The following CBFB variants were observed in gnomAD, a reference collection of about 807,000 sequenced individuals.
The protein encoded by CBFB is CBF-beta.
In CBFB, 9 loss-of-function variants were observed where a neutral mutation model predicts 30.4. The ratio of observed to expected loss-of-function variants is 0.30; its 90% CI spans 0.18 to 0.52. The LOEUF (loss-of-function observed/expected upper bound fraction) is 0.52. Ranked by LOEUF, CBFB falls within the 20% of genes least tolerant of loss-of-function variation. The probability of loss-of-function intolerance (pLI) is 0.97; values close to 1 mark genes in which losing one functional copy is unlikely to be tolerated. For missense variants in CBFB, 170 were observed against 244.0 expected, an observed-to-expected ratio of 0.70 and a Z score of 2.02; for synonymous variants, 94 against 84.0, an observed-to-expected ratio of 1.12 and a Z score of -0.65.
At chr16:67,092,119 C>G (rs1475233995) in intron 5 of CBFB, among the ~76,000 whole-genome samples, 2 of 151,704 alleles carry the variant, frequency 1.3e-5, no homozygotes, top group Non-Finnish European at 2.9e-5. Flanking sequence ...GTGTGATGTT[C>G]CCCTCCCTGT....
At chr16:67,074,436 G>GC (rs1181572279) in intron 4 of CBFB, among the ~76,000 whole-genome samples, 1 of 150,224 alleles carries the variant, frequency 6.7e-6, no homozygotes, top group Non-Finnish European at 1.5e-5. Flanking sequence ...AGGCTGGAGT[G>GC]CAGTGGCGTG....
chr16:67,058,484 T>C (rs1960797294), intron 3 of CBFB, among the ~76,000 whole-genome samples: 1 of 152,132 alleles, frequency 6.6e-6, no homozygotes, highest in Non-Finnish European at 1.5e-5. Flanking sequence ...CATTAAAAAC[T>C]TTAAGTTAAT....
chr16:67,054,762 GT>G (rs1419044350), intron 3 of CBFB, among the ~76,000 whole-genome samples: 2 of 151,760 alleles, frequency 1.3e-5, no homozygotes, highest in East Asian at 3.9e-4. Context: ...TTGTTTGTTT[GT>G]TTGTTTTGAG....
chr16:67,087,770 A>G (rs1961770385), intron 5 of CBFB, among the ~76,000 whole-genome samples: 1 of 152,158 alleles, frequency 6.6e-6, no homozygotes, highest in South Asian at 2.1e-4. Context: ...GGCCTAGTTG[A>G]GATTCCTGCT....
chr16:67,036,736 TAGAA>T lies in CBFB; in HGVS notation c.267_270del (p.Arg90LysfsTer7). ...ACACCTAGCCGAGAGTATGTCGACT[TAGAA>T]AGAGAAGCAGGCAAGGTAGGAAACA... is the stretch of plus-strand genomic sequence containing the variant. On this transcript the variant is annotated frameshift_variant, in exon 3 of 6. Transcript: ENST00000412916. LOFTEE classifies it high-confidence loss of function. 1 of 1,608,528 alleles carries T rather than the reference TAGAA, an allele frequency of 6.2e-7. No individual in the cohort carries two copies. The highest frequency in any genetic ancestry group is 8.5e-7 in the Non-Finnish European group (1 of 1,174,934).
intron 4 of CBFB, among the ~76,000 whole-genome samples, chr16:67,076,443 T>C (rs991082822): frequency 1.3e-5 from 2 of 152,146 alleles, no homozygotes; most frequent in African/African-American, 2.4e-5. Context: ...TATGTAAAAG[T>C]ACAAAATCAG....
At chr16:67,060,600 G>A (rs1960883242) in intron 3 of CBFB, among the ~76,000 whole-genome samples, 1 of 151,972 alleles carries the variant, frequency 6.6e-6, no homozygotes, top group Non-Finnish European at 1.5e-5. Flanking sequence ...TAGTTGCCCA[G>A]GCTGGAGTGC....
intron 4 of CBFB, among the ~76,000 whole-genome samples, chr16:67,077,722 A>G (rs1223488870): frequency 3.9e-5 from 6 of 152,254 alleles, no homozygotes; most frequent in African/African-American, 1.4e-4. Flanking sequence ...ACTCTGATGC[A>G]GAAAGGTAAG....
chr16:67,056,779 T>A (rs1421140442), intron 3 of CBFB, among the ~76,000 whole-genome samples: 1 of 152,000 alleles, frequency 6.6e-6, no homozygotes, highest in Non-Finnish European at 1.5e-5. Context: ...CTTCCCGGGT[T>A]CAAGCAGGTC....
Position 67,029,495 on chromosome 16 carries a change from G to A in CBFB, c.78+10G>A. The A allele has an allele frequency of 6.3e-7, 1 of 1,582,138 alleles. No individual in the cohort carries two copies. Reference sequence around the variant, plus strand: ...GAGCCGCGAGTGTGAGGTGAGGCAGGCGGGCGGGCGGCTAGGAGGCCGCAG... The same window carrying A: ...GAGCCGCGAGTGTGAGGTGAGGCAGACGGGCGGGCGGCTAGGAGGCCGCAG... On this transcript the variant is annotated intron_variant, in intron 1 of 5. Coordinates refer to ENST00000412916, the MANE Select transcript of CBFB (RefSeq NM_022845.3).
chr16:67,075,747 T>A (rs1459450121), intron 4 of CBFB, among the ~76,000 whole-genome samples: 1 of 152,174 alleles, frequency 6.6e-6, no homozygotes, highest in East Asian at 1.9e-4. Context: ...AAGTGCGTGG[T>A]CACACAAATA....
chr16:67,073,075 A>T (rs1961278581), intron 4 of CBFB, among the ~76,000 whole-genome samples: 1 of 152,160 alleles, frequency 6.6e-6, no homozygotes, highest in South Asian at 2.1e-4. Flanking sequence ...TATTATAATT[A>T]GTAAATTTGG....
At chr16:67,082,163 A>C in intron 4 of CBFB, 50 bp from the exon 5 acceptor site, 1 of 1,314,958 alleles carries the variant, frequency 7.6e-7, no homozygotes, top group Non-Finnish European at 1.0e-6. Context: ...CAAATATTGT[A>C]TTTTTTTTAT....
chr16:67,088,301 C>A (rs1333300622), intron 5 of CBFB, among the ~76,000 whole-genome samples: 12 of 152,102 alleles, frequency 7.9e-5, no homozygotes, highest in Admixed American at 7.9e-4. Flanking sequence ...AGTTTACCTT[C>A]TTTTTCCTAA....
In CBFB at chr16:67,098,883, T is replaced by C; in HGVS notation, c.*105T>C. The stretch of plus-strand genomic sequence containing the variant: ...CAGAAACTGTGATAACTGGAGGTAC[T>C]ACGGTCTATTTCTCAACCTTAGGCA... On this transcript the variant is annotated 3_prime_UTR_variant, in exon 6 of 6. Transcript: ENST00000412916. 1 of 751,008 alleles carries C rather than the reference T, an allele frequency of 1.3e-6. No homozygotes were observed. The highest frequency in any genetic ancestry group is 2.4e-6 in the Non-Finnish European group (1 of 416,374). The allele number at this position is 751,008 out of a possible 1,614,324, so 46.5% of individuals were successfully genotyped here.
chr16:67,033,819 GTT>G (rs573801388), intron 2 of CBFB, among the ~76,000 whole-genome samples: 1 of 91,736 alleles, frequency 1.1e-5, no homozygotes, highest in Non-Finnish European at 2.2e-5. Flanking sequence ...TTTCACCGTT[GTT>G]TTTTTTTTTT....
chr16:67,058,316 T>C (rs1960790007), intron 3 of CBFB, among the ~76,000 whole-genome samples: 1 of 152,172 alleles, frequency 6.6e-6, no homozygotes, highest in Non-Finnish European at 1.5e-5. Context: ...AATTTTTGTA[T>C]TTTTAGTATT....
intron 5 of CBFB, among the ~76,000 whole-genome samples, chr16:67,092,152 A>G (rs1380291881): frequency 1.3e-5 from 2 of 150,306 alleles, no homozygotes; most frequent in African/African-American, 4.9e-5. Context: ...TAATTGTTCA[A>G]CTCCCACTTA....
intron 5 of CBFB, among the ~76,000 whole-genome samples, chr16:67,083,917 C>G (rs1432749814): frequency 1.3e-5 from 2 of 151,124 alleles, no homozygotes; most frequent in Non-Finnish European, 2.9e-5. Flanking sequence ...ACTTGTAATC[C>G]CAGCACTTTG....
Sources: gnomAD v4.1 joint callset for allele counts (sites outside exome capture counted in the v4.1 genomes callset) on GRCh38, gnomAD v4.1.1 for gene constraint, MANE v1.5 for transcripts, NCBI Gene and HGNC (gene_info 2026-07-23, HGNC 2026-07-21) for gene names.